The following RFX3 variants were observed in gnomAD, a reference collection of about 807,000 sequenced individuals.
The protein encoded by RFX3 is regulatory factor X3.
RFX3 carries 14 observed loss-of-function variants against 98.6 expected under a neutral mutation model. The observed-to-expected ratio is 0.14, with a 90% CI of 0.09 to 0.22. The LOEUF (loss-of-function observed/expected upper bound fraction) is 0.22. Ranked by LOEUF, RFX3 falls within the 10% of genes least tolerant of loss-of-function variation. The pLI is 1.00. For synonymous variants in RFX3, 383 were observed against 328.4 expected, an observed-to-expected ratio of 1.17 and a Z score of -1.80; for missense variants, 639 against 926.9, an observed-to-expected ratio of 0.69 and a Z score of 4.03.
intron 4 of RFX3, among the ~76,000 whole-genome samples, chr9:3,325,834 T>C (rs1013525564): frequency 2.6e-5 from 4 of 152,104 alleles, no homozygotes; most frequent in Non-Finnish European, 5.9e-5. Context: ...GATGTGATTA[T>C]ATAGAAAAAT....
chr9:3,423,528 C>A (rs899329658), intron 1 of RFX3, among the ~76,000 whole-genome samples: 24 of 151,868 alleles, frequency 1.6e-4, no homozygotes, highest in African/African-American at 5.8e-4. Flanking sequence ...AAACCAGACA[C>A]AAGAGTACAT....
intron 1 of RFX3, among the ~76,000 whole-genome samples, chr9:3,498,521 C>A (rs1564176541): frequency 6.6e-6 from 1 of 152,038 alleles, no homozygotes; most frequent in East Asian, 1.9e-4. Flanking sequence ...TGCTACAGTA[C>A]ACTTTTAAGT....
chr9:3,378,870 C>G (rs1838858063), intron 2 of RFX3, among the ~76,000 whole-genome samples: 1 of 151,988 alleles, frequency 6.6e-6, no homozygotes, highest in Non-Finnish European at 1.5e-5. Context: ...TTCTCATATT[C>G]TAGTAAGTCT....
In RFX3 at chr9:3,436,952, A is replaced by T. The variant is rs190989387; in HGVS notation, c.-8-41356T>A. ...GCCAACTCTTCCTATTAATTTTTTT[A>T]AAAAAAATTGCTCATTGAGTAATCC... is the stretch of plus-strand genomic sequence containing the variant. On this transcript the variant is annotated intron_variant, in intron 1 of 16. Coordinates refer to ENST00000617270, the MANE Select transcript of RFX3 (RefSeq NM_001282116.2). 4.3e-3 allele frequency among the ~76,000 whole-genome samples: 654 copies of T among 151,604 alleles called. 1 individual carries two copies. The highest frequency in any genetic ancestry group is 6.2e-3 in the South Asian group (30 of 4,812).
At chr9:3,319,853 G>T in intron 4 of RFX3, among the ~76,000 whole-genome samples, 1 of 121,482 alleles carries the variant, frequency 8.2e-6, no homozygotes, top group African/African-American at 2.7e-5. Context: ...GTCAGTGACC[G>T]AAAAAAAAAA....
intron 1 of RFX3, among the ~76,000 whole-genome samples, chr9:3,423,177 CTG>C (rs1392689792): frequency 6.6e-6 from 1 of 152,120 alleles, no homozygotes; most frequent in Admixed American, 6.6e-5. Flanking sequence ...CTGGAGCTCT[CTG>C]TGAAGGAAGG....
intron 2 of RFX3, among the ~76,000 whole-genome samples, chr9:3,359,012 G>C (rs763342901): frequency 6.6e-6 from 1 of 151,742 alleles, no homozygotes; most frequent in Non-Finnish European, 1.5e-5. Context: ...TTCAAGGTGA[G>C]ATTTGAGTAG....
chr9:3,265,736 G>A (rs1823546607), intron 12 of RFX3, among the ~76,000 whole-genome samples: 1 of 152,012 alleles, frequency 6.6e-6, no homozygotes, highest in Non-Finnish European at 1.5e-5. Flanking sequence ...CCAGTGTTTA[G>A]AAAAACACCA....
chr9:3,227,830 T>C (rs1310595872), intron 16 of RFX3, among the ~76,000 whole-genome samples: 2 of 152,350 alleles, frequency 1.3e-5, no homozygotes, highest in East Asian at 3.9e-4. Context: ...TTTTTGGCTA[T>C]AATTTTCTCA....
chr9:3,306,601 G>A (rs1027830044), intron 4 of RFX3, among the ~76,000 whole-genome samples: 1 of 136,384 alleles, frequency 7.3e-6, no homozygotes, highest in African/African-American at 2.7e-5. Flanking sequence ...GGACTGTTGT[G>A]GGGTGGGGGG....
chr9:3,259,024 C>A (rs915889798), intron 13 of RFX3, among the ~76,000 whole-genome samples: 1 of 151,888 alleles, frequency 6.6e-6, no homozygotes, highest in African/African-American at 2.4e-5. Context: ...GCAAATTAGA[C>A]CTATCTTCAT....
rs1817212039 is a variant in RFX3 at position 3,219,046 on chromosome 9, A to G, written c.*5996T>C. 1 of 152,138 alleles carries G rather than the reference A, an allele frequency of 6.6e-6. No individual in the cohort carries two copies. The highest frequency in any genetic ancestry group is 1.5e-5 in the Non-Finnish European group (1 of 68,004). 9.4% of individuals were successfully genotyped at this position (152,138 alleles called of 1,614,324 possible). On this transcript the variant is annotated 3_prime_UTR_variant, in exon 17 of 17. Transcript: ENST00000617270. ...TAAAAGTTTACCACCTCAGGCACAA[A>G]TTTCCAAGTTTTCTCAAGGCACTCA...
At chr9:3,305,892 A>C (rs141210394) in intron 4 of RFX3, among the ~76,000 whole-genome samples, 1 of 152,166 alleles carries the variant, frequency 6.6e-6, no homozygotes, top group African/African-American at 2.4e-5. Context: ...GAGTTTACCA[A>C]TCTCAAGAAA....
intron 2 of RFX3, among the ~76,000 whole-genome samples, chr9:3,375,688 T>G (rs1029971353): frequency 2.0e-5 from 3 of 152,176 alleles, no homozygotes; most frequent in African/African-American, 7.2e-5. Flanking sequence ...TAGCCAGGCA[T>G]GGTGGCTCAC....
intron 4 of RFX3, among the ~76,000 whole-genome samples, chr9:3,312,095 A>G (rs1830027376): frequency 6.6e-6 from 1 of 152,244 alleles, no homozygotes. Flanking sequence ...CTAACTGAAT[A>G]GAGTAGAAAA....
chr9:3,252,419 G>A (rs1387745757), intron 14 of RFX3, among the ~76,000 whole-genome samples: 1 of 150,286 alleles, frequency 6.7e-6, no homozygotes, highest in Non-Finnish European at 1.5e-5. Flanking sequence ...AGTGATGAGG[G>A]CAGGCATTTT....
At chr9:3,518,709 TGTTA>T (rs1818419480) in intron 1 of RFX3, among the ~76,000 whole-genome samples, 1 of 152,166 alleles carries the variant, frequency 6.6e-6, no homozygotes, top group Non-Finnish European at 1.5e-5. Context: ...AACTTGAAAA[TGTTA>T]CTTAAACATC....
intron 1 of RFX3, among the ~76,000 whole-genome samples, chr9:3,476,047 C>G (rs1849219574): frequency 6.6e-6 from 1 of 152,152 alleles, no homozygotes; most frequent in African/African-American, 2.4e-5. Context: ...TCACTTCTCA[C>G]TATGTCCCCT....
At chr9:3,392,158 A>G (rs748475094) in intron 2 of RFX3, among the ~76,000 whole-genome samples, 25 of 152,298 alleles carry the variant, frequency 1.6e-4, no homozygotes, top group Non-Finnish European at 2.5e-4. Flanking sequence ...AGACTCACTC[A>G]TGCATTCAAA....
Sources: allele counts gnomAD v4.1 joint callset (sites outside exome capture counted in the v4.1 genomes callset), GRCh38; gene constraint gnomAD v4.1.1; transcripts MANE v1.5; gene names NCBI Gene and HGNC (gene_info 2026-07-23, HGNC 2026-07-21).